The following SLC36A1 variants were observed in gnomAD, a reference collection of about 807,000 sequenced individuals.
SLC36A1 encodes solute carrier family 36 member 1, also known as proton-coupled amino acid transporter 1.
In SLC36A1, 30 loss-of-function variants were observed where a neutral mutation model predicts 47.5. The observed-to-expected ratio is 0.63, with a 90% CI of 0.47 to 0.86. SLC36A1 has a LOEUF of 0.86. Ranked by LOEUF, SLC36A1 falls within the 40% of genes least tolerant of loss-of-function variation. SLC36A1 has a pLI of 0.00. For missense variants in SLC36A1, 517 were observed against 606.0 expected (o/e 0.85, Z 1.54); for synonymous variants, 255 against 249.7 (o/e 1.02, Z -0.20).
intron 1 of SLC36A1, among the ~76,000 whole-genome samples, chr5:151,457,762 C>T (rs1031740164): frequency 4.6e-5 from 7 of 151,924 alleles, no homozygotes; most frequent in African/African-American, 1.5e-4. Flanking sequence ...AGAAAGAGAA[C>T]GGCATGTGTG....
chr5:151,442,134 CATA>C (rs1752666482), intron 1 of SLC36A1, among the ~76,000 whole-genome samples: 1 of 151,982 alleles, frequency 6.6e-6, no homozygotes, highest in Non-Finnish European at 1.5e-5. Context: ...TGGTTGAGAA[CATA>C]ATTTTTGTTT....
At chr5:151,531,625 C>T in the SLC36A1 span, 2 of 1,613,318 alleles carry the variant, frequency 1.2e-6, no homozygotes, top group Non-Finnish European at 1.7e-6. The surrounding 1 kb of genome is among the most constrained non-coding windows in gnomAD (Gnocchi z 5.7). Flanking sequence ...TTGCTCGTTC[C>T]CGCTGACCAC....
At chr5:151,459,086 G>C in intron 2 of SLC36A1, 151 bp downstream of exon 2, 1 of 808,264 alleles carries the variant, frequency 1.2e-6, no homozygotes, top group East Asian at 2.8e-5. Context: ...GCTGAGATTT[G>C]CCTTCCTGGG....
At chr5:151,516,297 G>T in the SLC36A1 span, among the ~76,000 whole-genome samples, 2 of 152,138 alleles carry the variant, frequency 1.3e-5, no homozygotes, top group Admixed American at 6.5e-5. Flanking sequence ...ATCGCTTGAG[G>T]CCAGGAGTTC....
the SLC36A1 span, among the ~76,000 whole-genome samples, chr5:151,410,225 AG>A: frequency 2.7e-5 from 4 of 149,362 alleles, no homozygotes; most frequent in Non-Finnish European, 6.0e-5. Context: ...TTACCAGCAC[AG>A]TGGCCAGCTC....
the SLC36A1 span, among the ~76,000 whole-genome samples, chr5:151,429,386 C>T: frequency 1.1e-4 from 14 of 123,192 alleles, no homozygotes; most frequent in African/African-American, 4.4e-4. Flanking sequence ...GTGTGATGTT[C>T]CCCTTCCTGT....
the SLC36A1 span, among the ~76,000 whole-genome samples, chr5:151,411,281 G>A: frequency 7.6e-5 from 11 of 144,450 alleles, 1 homozygote; most frequent in Non-Finnish European, 1.4e-4. Flanking sequence ...TTTCTTCAAG[G>A]CTTTGTCATG....
At chr5:151,551,704 T>C in the SLC36A1 span, 1 of 1,292,846 alleles carries the variant, frequency 7.7e-7, no homozygotes, top group Non-Finnish European at 1.1e-6. Flanking sequence ...GACACGGTGG[T>C]AAATTCCACA....
chr5:151,485,174 A>G (rs1311757458), intron 10 of SLC36A1, among the ~76,000 whole-genome samples: 1 of 152,208 alleles, frequency 6.6e-6, no homozygotes, highest in South Asian at 2.1e-4. Context: ...GGCTGAAAAC[A>G]TAGTAGTTTT....
chr5:151,551,326 T>A, the SLC36A1 span: 1 of 823,626 alleles, frequency 1.2e-6, no homozygotes. Flanking sequence ...AAGTAGAGAG[T>A]GTATTAGACA....
intron 9 of SLC36A1, chr5:151,477,104 G>T: frequency 2.6e-6 from 1 of 380,570 alleles, no homozygotes; most frequent in Non-Finnish European, 5.1e-6. Flanking sequence ...CCCAGCATCG[G>T]TTGTGCCTCT....
chr5:151,525,977 A>T, the SLC36A1 span: 1 of 1,613,326 alleles, frequency 6.2e-7, no homozygotes. Context: ...TGAGACCGAG[A>T]GTGACAAAGA....
At chr5:151,397,937 T>TG in the SLC36A1 span, among the ~76,000 whole-genome samples, 1 of 151,162 alleles carries the variant, frequency 6.6e-6, no homozygotes, top group Non-Finnish European at 1.5e-5. Flanking sequence ...GGCAATGTAG[T>TG]GAAACCCCAT....
rs535878632 is a variant in SLC36A1, at chr5:151,454,035, T to C, written c.-5-4753T>C. Among the ~76,000 whole-genome samples, 178 of 149,958 alleles carry C rather than the reference T, an allele frequency of 1.2e-3. 1 individual carries two copies. Among genetic ancestry groups the C allele is most frequent in the Non-Finnish European group, 1.9e-3 (131 of 67,654 alleles). On this transcript the variant is annotated intron_variant, in intron 1 of 10. Coordinates refer to ENST00000243389, the MANE Select transcript of SLC36A1 (RefSeq NM_078483.4). ...TTGTCTATTTATACAGCTAAAACAATAGTTACATAAGGAAAAAAAAGGAAT... is the reference window on the plus strand; with the variant it reads ...TTGTCTATTTATACAGCTAAAACAACAGTTACATAAGGAAAAAAAAGGAAT...
chr5:151,458,755 C>T, intron 1 of SLC36A1, 33 bp from the exon 2 acceptor site: 1 of 1,602,132 alleles, frequency 6.2e-7, no homozygotes, highest in Non-Finnish European at 8.5e-7. Context: ...GCTCCAGCTG[C>T]AGGAGGTCTT....
chr5:151,386,067 T>G, the SLC36A1 span, among the ~76,000 whole-genome samples: 9 of 151,424 alleles, frequency 5.9e-5, no homozygotes, highest in Non-Finnish European at 1.0e-4. Flanking sequence ...TTAGTAGAGA[T>G]GGGGGTTTCA....
chr5:151,477,909 A>G (rs1027085521), intron 9 of SLC36A1, among the ~76,000 whole-genome samples: 11 of 152,288 alleles, frequency 7.2e-5, no homozygotes, highest in Middle Eastern at 6.8e-3. Flanking sequence ...CCCCAAACCC[A>G]GCTGCTGTAA....
upstream of SLC36A1, among the ~76,000 whole-genome samples, chr5:151,436,793 C>G (rs1759797517): frequency 6.6e-6 from 1 of 152,136 alleles, no homozygotes; most frequent in African/African-American, 2.4e-5. Context: ...AAAGGACTCT[C>G]AGAGTTGCAA....
the SLC36A1 span, among the ~76,000 whole-genome samples, chr5:151,420,878 C>CTTTTTTT: frequency 6.9e-6 from 1 of 143,966 alleles, no homozygotes. Context: ...CTCTTTCTTT[C>CTTTTTTT]TTTTTTTTTT....
Sources: allele counts gnomAD v4.1 joint callset (sites outside exome capture counted in the v4.1 genomes callset), GRCh38; gene constraint gnomAD v4.1.1; non-coding constraint Gnocchi (gnomAD v3.1); transcripts MANE v1.5; gene names NCBI Gene and HGNC (gene_info 2026-07-23, HGNC 2026-07-21).